The following VPS13C variants were observed in gnomAD, a reference collection of about 807,000 sequenced individuals.
The protein encoded by VPS13C is vacuolar protein sorting 13 homolog C.
VPS13C carries 358 observed loss-of-function variants against 456.8 expected under a neutral mutation model. That is an observed-to-expected ratio of 0.78 (90% CI 0.72 to 0.86). The LOEUF is 0.86. Among genes scored for constraint, VPS13C ranks in the 40% least tolerant of loss-of-function variants. VPS13C has a pLI of 0.00. For synonymous variants in VPS13C, 1,578 were observed against 1,486.7 expected, an observed-to-expected ratio of 1.06 and a Z score of -1.41; for missense variants, 4,818 against 4,385.4, an observed-to-expected ratio of 1.10 and a Z score of -2.79.
At chr15:61,934,380 A>G (rs1457545214) in intron 48 of VPS13C, 49 bp from the exon 49 acceptor site, 1 of 953,076 alleles carries the variant, frequency 1.0e-6, no homozygotes, top group Non-Finnish European at 1.5e-6. Context: ...AATTTTATAA[A>G]TATTTTTAAA....
At position 61,963,882 on chromosome 15, in the gene VPS13C, A is replaced by T; in HGVS notation, c.3284T>A (p.Val1095Asp). ...RLFAKLNAFC[V>D]IVCNEKNNIA... ...ATTGTTCTTTTCGTTGCAAACAATGACACAGAAAGCATTCAACTTGGCAAA... is the reference window on the plus strand; with the variant it reads ...ATTGTTCTTTTCGTTGCAAACAATGTCACAGAAAGCATTCAACTTGGCAAA... The change falls in exon 32 of 85, where the codon GTC (valine) becomes GAC (aspartate). Residue 1095 changes from valine to aspartate, a missense_variant. This residue lies in a region of VPS13C where 4,552 missense variants were observed against 4,130.6 expected (regional missense o/e 1.10). Transcript: ENST00000644861. 2.5e-6 allele frequency: 4 copies of T among 1,612,672 alleles called. No homozygotes were observed. The highest frequency in any genetic ancestry group is 3.4e-6 in the Non-Finnish European group (4 of 1,179,082).
chr15:61,902,929 T>C (rs535474975), intron 66 of VPS13C, among the ~76,000 whole-genome samples: 1 of 145,146 alleles, frequency 6.9e-6, no homozygotes, highest in East Asian at 2.0e-4. Flanking sequence ...AAACAACATA[T>C]TACATTTAGA....
chr15:61,854,555 C>T lies in VPS13C; in HGVS notation c.11164G>A (p.Ala3722Thr), dbSNP rs1033329864. 4 of 1,613,672 alleles carry T rather than the reference C, an allele frequency of 2.5e-6. No homozygotes were observed. Among genetic ancestry groups the T allele is most frequent in the Admixed American group, 1.7e-5 (1 of 59,994 alleles). Residue 3722 changes from alanine (A) to threonine (T), a missense_variant, in exon 85 of 85, where the codon GCA becomes ACA. Transcript: ENST00000644861. ...TGTGCATCCTCAATGGCATTACATG[C>T]TCTCTGTAAAGTAAAATACTTATTA... ...YLKDTATAER[A>T]CNAIEDAQST...
At position 62,060,346 on chromosome 15, in the gene VPS13C, A is replaced by C; in HGVS notation, c.29T>G (p.Leu10Trp). 1 of 1,602,560 alleles carries C rather than the reference A, an allele frequency of 6.2e-7. No homozygotes were observed. Among genetic ancestry groups the C allele is most frequent in the South Asian group, 1.1e-5 (1 of 89,478 alleles). The change falls in exon 1 of 85, where the codon TTG becomes TGG. Residue 10 changes from leucine (L) to tryptophan (W), a missense_variant. Coordinates refer to ENST00000644861, the MANE Select transcript of VPS13C (RefSeq NM_020821.3). ...ATAGTCCCCCAGGAAGCGGTTCAGC[A>C]AGTCCGCGACCACCGACTCCAGCAC... is the stretch of plus-strand genomic sequence containing the variant. MVLESVVAD[L>W]LNRFLGDYVE...
At chr15:62,017,955 A>G (rs1596483678) in intron 9 of VPS13C, among the ~76,000 whole-genome samples, 1 of 152,034 alleles carries the variant, frequency 6.6e-6, no homozygotes, top group South Asian at 2.1e-4. Context: ...GTCCTCTTTT[A>G]TTTCATTGAG....
chr15:61,951,003 T>C lies in VPS13C; in HGVS notation c.4478A>G (p.His1493Arg), dbSNP rs1416957965. 1.2e-6 allele frequency: 2 copies of C among 1,601,472 alleles called. No individual in the cohort carries two copies. Among genetic ancestry groups the C allele is most frequent in the Non-Finnish European group, 1.7e-6 (2 of 1,174,368 alleles). ...DFTDSKGEPLHIINSSNVTDE... is the reference protein window; with the variant it reads ...DFTDSKGEPLRIINSSNVTDE... ...AGTCACATTAGAAGAGTTAATAATG[T>C]GAAGAGGTTCCCCTTTAGAGTCTAA... The change falls in exon 40 of 85, where the codon CAC (histidine) becomes CGC (arginine). Residue 1493 changes from histidine to arginine, a missense_variant. His to Arg is a conservative substitution (Grantham distance 29). This residue lies in a region of VPS13C where 4,552 missense variants were observed against 4,130.6 expected (regional missense o/e 1.10). Transcript: ENST00000644861.
intron 3 of VPS13C, 103 bp from the exon 4 acceptor site, chr15:62,035,155 G>A: frequency 1.4e-6 from 1 of 699,386 alleles, no homozygotes; most frequent in East Asian, 2.8e-5. Context: ...ACTCTTCATG[G>A]TATGTACATC....
intron 32 of VPS13C, 108 bp from the exon 33 acceptor site, chr15:61,962,960 G>T: frequency 4.1e-6 from 3 of 726,484 alleles, no homozygotes; most frequent in Non-Finnish European, 6.2e-6. Context: ...ATTTAGCAAT[G>T]TTTCAACTCC....
At position 61,914,878 on chromosome 15, in the gene VPS13C, T is replaced by TAAAAAAAAAAAAAAAAAAAAAAA. The variant is rs60910951; in HGVS notation, c.8445+732_8445+754dup. The stretch of plus-strand genomic sequence containing the variant: ...ACCGAGCCTGGCCAAAACTCTGCCT[T>TAAAAAAAAAAAAAAAAAAAAAAA]AAAAAAAAAAAAAAAAAAAAAAAAA... On this transcript the variant is annotated intron_variant, in intron 61 of 84. Transcript: ENST00000644861. 7.8e-5 allele frequency among the ~76,000 whole-genome samples: 8 copies of TAAAAAAAAAAAAAAAAAAAAAAA among 102,052 alleles called. 1 individual carries two copies. Among genetic ancestry groups the TAAAAAAAAAAAAAAAAAAAAAAA allele is most frequent in the East Asian group, 2.9e-4 (1 of 3,422 alleles). The allele number at this position is 102,052 out of a possible 152,430, so 67.0% of individuals were successfully genotyped here. A position where few individuals can be genotyped will look rare whatever the true frequency, so the allele number is the denominator to read the frequency against.
In VPS13C at chr15:62,033,660, C is replaced by T. The variant is rs1431414614; in HGVS notation, c.284-118G>A. The stretch of plus-strand genomic sequence containing the variant: ...ATAATCCTTCTGCAATACAAAAATA[C>T]TTTCACATTTTTAGTTTTACGAAAC... On this transcript the variant is annotated intron_variant, in intron 4 of 84. Coordinates refer to ENST00000644861, the MANE Select transcript of VPS13C (RefSeq NM_020821.3). 2.4e-5 allele frequency: 13 copies of T among 534,568 alleles called. No individual in the cohort carries two copies. In the Admixed American group the frequency reaches 5.2e-4, roughly 21 times the overall value. The allele number at this position is 534,568 out of a possible 1,614,324, so 33.1% of individuals were successfully genotyped here.
At chr15:61,972,560 T>A in intron 27 of VPS13C, 65 bp downstream of exon 27, 1 of 1,565,282 alleles carries the variant, frequency 6.4e-7, no homozygotes, top group South Asian at 1.1e-5. Flanking sequence ...TGGGTCTAGC[T>A]TGAGGATAGC....
intron 18 of VPS13C, among the ~76,000 whole-genome samples, chr15:61,986,403 G>GTAATATA (rs1303829136): frequency 6.6e-6 from 1 of 152,094 alleles, no homozygotes; most frequent in East Asian, 1.9e-4. Context: ...GAGTTTAACA[G>GTAATATA]TAATATATAA....
chr15:61,981,553 AAG>A, intron 21 of VPS13C, 75 bp from the exon 22 acceptor site: 1 of 1,430,764 alleles, frequency 7.0e-7, no homozygotes. Context: ...CAACTAGAAT[AAG>A]AGTTTTACTT....
chr15:61,890,784 C>T (rs998506105), intron 66 of VPS13C, among the ~76,000 whole-genome samples: 6 of 152,120 alleles, frequency 3.9e-5, no homozygotes, highest in South Asian at 2.1e-4. Flanking sequence ...TGGTGGCTCA[C>T]GCCTATAATC....
At chr15:61,907,211 A>G in intron 66 of VPS13C, 53 bp downstream of exon 66, 3 of 1,608,448 alleles carry the variant, frequency 1.9e-6, no homozygotes, top group Non-Finnish European at 2.6e-6. Flanking sequence ...TAGCTTCTCT[A>G]CTTCCTTCAC....
intron 61 of VPS13C, among the ~76,000 whole-genome samples, chr15:61,914,176 G>A (rs182236080): frequency 4.6e-5 from 7 of 152,242 alleles, no homozygotes; most frequent in Admixed American, 3.9e-4. Flanking sequence ...AAAGAGAGTG[G>A]AGTTGCCAAA....
intron 37 of VPS13C, among the ~76,000 whole-genome samples, chr15:61,954,910 C>T (rs1372468354): frequency 6.6e-6 from 1 of 152,046 alleles, no homozygotes; most frequent in African/African-American, 2.4e-5. Context: ...ACGGTGGAGA[C>T]ATTACTAGAA....
intron 15 of VPS13C, among the ~76,000 whole-genome samples, chr15:62,000,830 T>A (rs1005014611): frequency 6.6e-6 from 1 of 152,110 alleles, no homozygotes; most frequent in African/African-American, 2.4e-5. Context: ...AGAAAATAAA[T>A]CCTCATTAAA....
chr15:61,882,222 A>G (rs1248352594), intron 69 of VPS13C, among the ~76,000 whole-genome samples: 2 of 152,156 alleles, frequency 1.3e-5, no homozygotes, highest in Non-Finnish European at 2.9e-5. Context: ...AAAAGGAAGG[A>G]AGGGAGGGAT....
Sources: allele counts gnomAD v4.1 joint callset (sites outside exome capture counted in the v4.1 genomes callset), GRCh38; gene constraint gnomAD v4.1.1; regional missense constraint gnomAD v4.1.1; transcripts MANE v1.5; gene names NCBI Gene and HGNC (gene_info 2026-07-23, HGNC 2026-07-21).